IGFBP5: variants seen among roughly 807,000 people sequenced by gnomAD.
IGFBP5 encodes the protein insulin like growth factor binding protein 5.
A neutral mutation model predicts 28.0 loss-of-function variants in IGFBP5; 12 were observed. The ratio of observed to expected loss-of-function variants is 0.43; its 90% CI spans 0.27 to 0.69. IGFBP5 has a LOEUF of 0.69. IGFBP5 is among the 30% of genes least tolerant of loss of function. The pLI is 0.20. For synonymous variants in IGFBP5, 152 were observed against 150.2 expected (o/e 1.01, Z -0.09); for missense variants, 344 against 381.6 (o/e 0.90, Z 0.82).
rs764852196 is a variant in IGFBP5 at position 216,678,994 on chromosome 2, G to A, written c.423C>T (p.His141=). The change falls in exon 2 of 4, where the codon CAC becomes CAT. Residue 141 remains histidine (H), a synonymous_variant. Transcript: ENST00000233813. The stretch of plus-strand genomic sequence containing the variant: ...CAGCCTTCAGCTCGGAGATGCGGGT[G>A]TGTTTGGGCCGGAAGATCTTGGGGG... ...TYSPKIFRPK[H]TRISELKAEA... The A allele has an allele frequency of 1.2e-6, 2 of 1,614,160 alleles. No homozygotes were observed. Among genetic ancestry groups the A allele is most frequent in the East Asian group, 2.2e-5 (1 of 44,850 alleles).
At chr2:216,686,944 A>G (rs1046407627) in intron 1 of IGFBP5, among the ~76,000 whole-genome samples, 2 of 151,982 alleles carry the variant, frequency 1.3e-5, no homozygotes, top group Admixed American at 6.5e-5. Context: ...GAGGATGGCA[A>G]TGGCCCCTTC....
intron 1 of IGFBP5, among the ~76,000 whole-genome samples, chr2:216,685,113 C>G (rs1478610770): frequency 2.6e-5 from 4 of 151,940 alleles, no homozygotes; most frequent in Non-Finnish European, 5.9e-5. Context: ...AAAACCCTGT[C>G]TCTACTAAAA....
chr2:216,678,005 C>T (rs1398832028), intron 3 of IGFBP5, 107 bp downstream of exon 3: 5 of 1,096,794 alleles, frequency 4.6e-6, no homozygotes, highest in Non-Finnish European at 6.1e-6. Context: ...CCAGGAAACA[C>T]TAAGTGGTTA....
At chr2:216,677,693 T>G (rs1363509240) in intron 3 of IGFBP5, among the ~76,000 whole-genome samples, 1 of 152,198 alleles carries the variant, frequency 6.6e-6, no homozygotes, top group African/African-American at 2.4e-5. Flanking sequence ...CCTCCAGGGA[T>G]AGGATGCCCT....
At chr2:216,682,739 CCTT>C (rs1357309104) in intron 1 of IGFBP5, among the ~76,000 whole-genome samples, 6 of 151,238 alleles carry the variant, frequency 4.0e-5, no homozygotes, top group African/African-American at 1.5e-4. Flanking sequence ...GACAGAGTCT[CCTT>C]CTGTCGCCCA....
At chr2:216,687,657 GTGTC>G (rs1689046415) in intron 1 of IGFBP5, among the ~76,000 whole-genome samples, 1 of 152,198 alleles carries the variant, frequency 6.6e-6, no homozygotes, top group Non-Finnish European at 1.5e-5. Flanking sequence ...CTTAGTAGAA[GTGTC>G]TGTCTGTTCC....
rs1287674093 is a variant in IGFBP5, at chr2:216,679,656, G to A, written c.338-577C>T. Among the ~76,000 whole-genome samples, 1 of 152,096 alleles carries A rather than the reference G, an allele frequency of 6.6e-6. No individual in the cohort carries two copies. Among genetic ancestry groups the A allele is most frequent in the Non-Finnish European group, 1.5e-5 (1 of 68,030 alleles). ...GACCTGGGGAACCTAGGAGGAGGGGGTCCTGGGGTCTGGAGCAGCAGGGTG... is the reference window on the plus strand; with the variant it reads ...GACCTGGGGAACCTAGGAGGAGGGGATCCTGGGGTCTGGAGCAGCAGGGTG... On this transcript the variant is annotated intron_variant, in intron 1 of 3. Coordinates refer to ENST00000233813, the MANE Select transcript of IGFBP5 (RefSeq NM_000599.4). This position sits in a 1 kb window ranked among gnomAD's most constrained non-coding sequence, Gnocchi z 4.6.
At chr2:216,678,269 A>T in intron 2 of IGFBP5, 38 bp from the exon 3 acceptor site, 1 of 1,479,612 alleles carries the variant, frequency 6.8e-7, no homozygotes, top group Non-Finnish European at 9.0e-7. Flanking sequence ...GGCGAGACCA[A>T]GGGAAAACCA....
At position 216,694,371 on chromosome 2, in the gene IGFBP5, G is replaced by A. The variant is rs1404557993; in HGVS notation, c.337+68C>T. On this transcript the variant is annotated intron_variant, in intron 1 of 3. Transcript: ENST00000233813. The surrounding 1 kb of genome is among the most constrained non-coding windows in gnomAD (Gnocchi z 5.2). Reference sequence around the variant, plus strand: ...AAGCCACTTGCTGCGCAAAGCGCGCGGGCCCAGCCGGTCTCGTGTCCCCCG... The same window carrying A: ...AAGCCACTTGCTGCGCAAAGCGCGCAGGCCCAGCCGGTCTCGTGTCCCCCG... 5 of 1,350,894 alleles carry A rather than the reference G, an allele frequency of 3.7e-6. No individual in the cohort carries two copies. In the African/African-American group the frequency reaches 6.1e-5, roughly 17 times the overall value. 83.7% of individuals were successfully genotyped at this position (1,350,894 alleles called of 1,614,324 possible).
At chr2:216,688,107 AT>A (rs952488875) in intron 1 of IGFBP5, among the ~76,000 whole-genome samples, 2 of 152,214 alleles carry the variant, frequency 1.3e-5, no homozygotes, top group Admixed American at 1.3e-4. Flanking sequence ...GAGGAACCAC[AT>A]TTTAAAATTT....
chr2:216,676,420 C>A lies in IGFBP5; in HGVS notation c.*331G>T. 1 of 179,522 alleles carries A rather than the reference C, an allele frequency of 5.6e-6. No homozygotes were observed. Among genetic ancestry groups the A allele is most frequent in the Non-Finnish European group, 1.2e-5 (1 of 85,644 alleles). The allele number at this position is 179,522 out of a possible 1,614,324, so 11.1% of individuals were successfully genotyped here. A position where few individuals can be genotyped will look rare whatever the true frequency, so the allele number is the denominator to read the frequency against. The stretch of plus-strand genomic sequence containing the variant: ...TTGTCTTCCTTTTCCTAACTCTATT[C>A]GTCTTTCTCTCTCTTCTACACAAAC... On this transcript the variant is annotated 3_prime_UTR_variant, in exon 4 of 4. Transcript: ENST00000233813.
intron 1 of IGFBP5, among the ~76,000 whole-genome samples, chr2:216,687,575 A>C (rs1213216069): frequency 6.6e-6 from 1 of 152,224 alleles, no homozygotes; most frequent in Non-Finnish European, 1.5e-5. Flanking sequence ...TAGGAAATAC[A>C]CACTGATGCA....
Position 216,674,954 on chromosome 2 carries a change from C to T in IGFBP5, c.*1797G>A, listed in dbSNP as rs1383791108. 1.3e-5 allele frequency: 2 copies of T among 152,192 alleles called. No homozygotes were observed. The highest frequency in any genetic ancestry group is 4.8e-5 in the African/African-American group (2 of 41,444). 9.4% of individuals were successfully genotyped at this position (152,192 alleles called of 1,614,324 possible). A position where few individuals can be genotyped will look rare whatever the true frequency, so the allele number is the denominator to read the frequency against. On this transcript the variant is annotated 3_prime_UTR_variant, in exon 4 of 4. Transcript: ENST00000233813. The surrounding 1 kb of genome is among the most constrained non-coding windows in gnomAD (Gnocchi z 4.4). ...CTATCTGGCTTCTAAAGTCTAGCAC[C>T]CTCCTAAAGTTACTCACCTTCCCTG...
Position 216,679,061 on chromosome 2 carries a change from T to C in IGFBP5, c.356A>G (p.His119Arg), listed in dbSNP as rs1331438054. The part of the protein sequence containing the change: ...QVKIERDSRE[H>R]EEPTTSEMAE... The stretch of plus-strand genomic sequence containing the variant: ...CATCTCAGAGGTGGTGGGCTCCTCG[T>C]GCTCACGGGAGTCTCTCTCTGCAGG... Residue 119 changes from histidine to arginine, a missense_variant, in exon 2 of 4, where the codon CAC becomes CGC. This residue lies in a region of IGFBP5 where 304 missense variants were observed against 329.2 expected (regional missense o/e 0.92). Coordinates refer to ENST00000233813, the MANE Select transcript of IGFBP5 (RefSeq NM_000599.4). This position sits in a 1 kb window ranked among gnomAD's most constrained non-coding sequence, Gnocchi z 4.6. The C allele has an allele frequency of 6.2e-7, 1 of 1,613,958 alleles. No individual in the cohort carries two copies. Among genetic ancestry groups the C allele is most frequent in the Admixed American group, 1.7e-5 (1 of 60,002 alleles).
chr2:216,687,360 C>T (rs1368586974), intron 1 of IGFBP5, among the ~76,000 whole-genome samples: 1 of 152,202 alleles, frequency 6.6e-6, no homozygotes, highest in East Asian at 1.9e-4. Context: ...GGCCCACCGC[C>T]CTCCACAGTG....
chr2:216,691,765 G>C (rs1689098806), intron 1 of IGFBP5, among the ~76,000 whole-genome samples: 1 of 149,334 alleles, frequency 6.7e-6, no homozygotes, highest in South Asian at 2.1e-4. Flanking sequence ...CTACATGTTT[G>C]GTTACATATA....
rs1307792628 is a variant in IGFBP5 at position 216,672,651 on chromosome 2, G to C, written c.*4100C>G. On this transcript the variant is annotated 3_prime_UTR_variant, in exon 4 of 4. Coordinates refer to ENST00000233813, the MANE Select transcript of IGFBP5 (RefSeq NM_000599.4). ...ACGGTGTGACAGTGGCGGTAGAGAG[G>C]AGACTCCGGCTGGCGACCGGGGACT... 1 of 152,770 alleles carries C rather than the reference G, an allele frequency of 6.5e-6. No individual in the cohort carries two copies. The highest frequency in any genetic ancestry group is 1.9e-4 in the East Asian group (1 of 5,190). The allele number at this position is 152,770 out of a possible 1,614,324, so 9.5% of individuals were successfully genotyped here.
intron 2 of IGFBP5, chr2:216,678,610 G>C: frequency 1.0e-5 from 6 of 575,346 alleles, no homozygotes; most frequent in Non-Finnish European, 1.5e-5. Context: ...CGTGGCCGCT[G>C]GGCTGGCACA....
At chr2:216,678,349 G>T (rs1236183458) in intron 2 of IGFBP5, 118 bp from the exon 3 acceptor site, 15 of 1,076,966 alleles carry the variant, frequency 1.4e-5, no homozygotes, top group Non-Finnish European at 1.8e-5. Flanking sequence ...CACCACCTTT[G>T]GTTCTAATCA....
Sources: allele counts gnomAD v4.1 joint callset (sites outside exome capture counted in the v4.1 genomes callset), GRCh38; gene constraint gnomAD v4.1.1; regional missense constraint gnomAD v4.1.1; non-coding constraint Gnocchi (gnomAD v3.1); transcripts MANE v1.5; gene names NCBI Gene and HGNC (gene_info 2026-07-23, HGNC 2026-07-21).